The following LYPLAL1 variants were observed in gnomAD, a reference collection of about 807,000 sequenced individuals.
LYPLAL1 encodes lysophospholipase-like protein 1.
Under a neutral mutation model 19.7 loss-of-function variants are expected in LYPLAL1, and 23 were observed. The ratio of observed to expected loss-of-function variants is 1.17; its 90% confidence interval spans 0.84 to 1.65. The LOEUF is 1.65. Among genes scored for constraint, LYPLAL1 ranks in the 40% most tolerant of loss-of-function variants. LYPLAL1 has a pLI of 0.00. For missense variants in LYPLAL1, 355 were observed against 279.4 expected (o/e 1.27, Z -1.93); for synonymous variants, 119 against 96.3 (o/e 1.24, Z -1.38).
the LYPLAL1 span, among the ~76,000 whole-genome samples, chr1:219,407,375 G>A: frequency 6.6e-6 from 1 of 152,058 alleles, no homozygotes; most frequent in African/African-American, 2.4e-5. Flanking sequence ...GTTTACTATA[G>A]GAAGTTAAAA....
At chr1:219,177,097 G>A (rs1459263752) in intron 1 of LYPLAL1, among the ~76,000 whole-genome samples, 2 of 152,330 alleles carry the variant, frequency 1.3e-5, no homozygotes, top group East Asian at 3.9e-4. Flanking sequence ...AAAGATGACA[G>A]AAGATGAAAC....
downstream of LYPLAL1, among the ~76,000 whole-genome samples, chr1:219,216,707 C>T (rs1209331880): frequency 6.6e-6 from 1 of 152,046 alleles, no homozygotes; most frequent in East Asian, 1.9e-4. Flanking sequence ...ATCTCTGGTA[C>T]TCTGTGTGCA....
At chr1:219,237,600 T>A in the LYPLAL1 span, among the ~76,000 whole-genome samples, 1 of 152,192 alleles carries the variant, frequency 6.6e-6, no homozygotes, top group African/African-American at 2.4e-5. Flanking sequence ...ATAAAGAACT[T>A]TCTACTTTTC....
chr1:219,191,385 G>T (rs1222393964), intron 2 of LYPLAL1, among the ~76,000 whole-genome samples: 1 of 151,556 alleles, frequency 6.6e-6, no homozygotes, highest in Non-Finnish European at 1.5e-5. Context: ...TGATTAAATT[G>T]CAGAATATGC....
chr1:219,327,393 CA>C, the LYPLAL1 span, among the ~76,000 whole-genome samples: 1 of 152,150 alleles, frequency 6.6e-6, no homozygotes, highest in South Asian at 2.1e-4. Context: ...CAAATGAAGA[CA>C]AGAAGAATTT....
the LYPLAL1 span, among the ~76,000 whole-genome samples, chr1:219,230,106 T>C: frequency 6.6e-6 from 1 of 152,166 alleles, no homozygotes; most frequent in Admixed American, 6.5e-5. Context: ...ACTTAAAAAC[T>C]GTATGGTAGG....
chr1:219,186,344 C>T (rs1656719593), intron 2 of LYPLAL1, among the ~76,000 whole-genome samples: 1 of 151,804 alleles, frequency 6.6e-6, no homozygotes, highest in African/African-American at 2.4e-5. Flanking sequence ...TATTTGAAAG[C>T]ATTACACAAA....
chr1:219,354,588 C>T, the LYPLAL1 span, among the ~76,000 whole-genome samples: 3 of 152,136 alleles, frequency 2.0e-5, no homozygotes, highest in African/African-American at 7.2e-5. Context: ...AACACCAAGG[C>T]ACACTATAAT....
chr1:219,319,477 TC>T, the LYPLAL1 span, among the ~76,000 whole-genome samples: 3 of 151,990 alleles, frequency 2.0e-5, no homozygotes, highest in Non-Finnish European at 4.4e-5. Flanking sequence ...GCCCCCAAAA[TC>T]CCCTAGAATC....
At chr1:219,422,832 G>T in the LYPLAL1 span, among the ~76,000 whole-genome samples, 1 of 152,140 alleles carries the variant, frequency 6.6e-6, no homozygotes, top group Admixed American at 6.5e-5. Flanking sequence ...TGGAGTTACA[G>T]ACCTATGAAA....
At chr1:219,349,941 T>C in the LYPLAL1 span, among the ~76,000 whole-genome samples, 3 of 152,228 alleles carry the variant, frequency 2.0e-5, no homozygotes, top group Non-Finnish European at 2.9e-5. Context: ...TCTTTTTACC[T>C]AGCAATTGGA....
chr1:219,270,218 G>C, the LYPLAL1 span, among the ~76,000 whole-genome samples: 1 of 152,222 alleles, frequency 6.6e-6, no homozygotes, highest in Non-Finnish European at 1.5e-5. Context: ...GAGATTCATT[G>C]TCTTATGGCC....
the LYPLAL1 span, among the ~76,000 whole-genome samples, chr1:219,234,632 T>C: frequency 7.2e-5 from 11 of 152,292 alleles, no homozygotes; most frequent in East Asian, 2.1e-3. Flanking sequence ...TATTAATAAT[T>C]GCCCATCACT....
chr1:219,253,366 G>T, the LYPLAL1 span, among the ~76,000 whole-genome samples: 1 of 151,878 alleles, frequency 6.6e-6, no homozygotes, highest in Non-Finnish European at 1.5e-5. Context: ...CAGTTGTGCA[G>T]TTAGGTTGTT....
the LYPLAL1 span, among the ~76,000 whole-genome samples, chr1:219,425,017 G>A: frequency 1.3e-5 from 2 of 152,124 alleles, no homozygotes; most frequent in Non-Finnish European, 2.9e-5. Flanking sequence ...ATAACAAAAT[G>A]TCATAGACTG....
chr1:219,325,338 G>A, the LYPLAL1 span, among the ~76,000 whole-genome samples: 1 of 151,860 alleles, frequency 6.6e-6, no homozygotes. Context: ...TTTCCCCTTC[G>A]CTACAACATT....
the LYPLAL1 span, among the ~76,000 whole-genome samples, chr1:219,293,716 C>T: frequency 6.6e-6 from 1 of 152,204 alleles, no homozygotes; most frequent in Admixed American, 6.6e-5. Flanking sequence ...GACTGAGCCA[C>T]TAGACATGTG....
the LYPLAL1 span, among the ~76,000 whole-genome samples, chr1:219,394,199 T>C: frequency 2.6e-5 from 4 of 152,318 alleles, no homozygotes; most frequent in African/African-American, 9.6e-5. Flanking sequence ...TAATTTTGTC[T>C]AGATAAAAGT....
At chr1:219,275,172 G>A in the LYPLAL1 span, among the ~76,000 whole-genome samples, 1 of 152,122 alleles carries the variant, frequency 6.6e-6, no homozygotes, top group Admixed American at 6.6e-5. Context: ...AATTTATTGG[G>A]AAAAGAAATG....
Sources: gnomAD v4.1 joint callset for allele counts (sites outside exome capture counted in the v4.1 genomes callset) on GRCh38, gnomAD v4.1.1 for gene constraint, MANE v1.5 for transcripts, NCBI Gene and HGNC (gene_info 2026-07-23, HGNC 2026-07-21) for gene names.